MARCHF4: variants seen among roughly 807,000 people sequenced by gnomAD.
MARCHF4 encodes the protein E3 ubiquitin-protein ligase MARCHF4.
Under a neutral mutation model 43.9 loss-of-function variants are expected in MARCHF4, and 14 were observed. The observed-to-expected ratio is 0.32, with a 90% confidence interval of 0.21 to 0.50. The LOEUF (loss-of-function observed/expected upper bound fraction) is 0.50. Among genes scored for constraint, MARCHF4 ranks in the 20% least tolerant of loss-of-function variants. MARCHF4 has a pLI of 0.98. For missense variants in MARCHF4, 468 were observed against 536.7 expected (o/e 0.87, Z 1.27); for synonymous variants, 226 against 213.3 (o/e 1.06, Z -0.52).
chr2:216,338,563 G>T (rs1301794555), intron 1 of MARCHF4, among the ~76,000 whole-genome samples: 1 of 152,030 alleles, frequency 6.6e-6, no homozygotes, highest in African/African-American at 2.4e-5. Context: ...TCCTCCTTTT[G>T]TCCCTCCAGC....
intron 1 of MARCHF4, among the ~76,000 whole-genome samples, chr2:216,325,021 A>C (rs1316006086): frequency 6.6e-6 from 1 of 152,042 alleles, no homozygotes; most frequent in Non-Finnish European, 1.5e-5. Flanking sequence ...GAGGAAGTCA[A>C]ATTGTCCCTG....
At chr2:216,358,229 C>T (rs1325094364) in intron 1 of MARCHF4, among the ~76,000 whole-genome samples, 2 of 152,180 alleles carry the variant, frequency 1.3e-5, no homozygotes, top group African/African-American at 2.4e-5. Context: ...GGACACACAT[C>T]TACTGCACAG....
At chr2:216,350,513 CCACTGTGCCACACCACCA>C (rs556057221) in intron 1 of MARCHF4, among the ~76,000 whole-genome samples, 1,675 of 150,578 alleles carry the variant, frequency 0.011, 16 homozygotes, top group Middle Eastern at 0.018. Flanking sequence ...CACACCATCA[CCACTGTGCCACACCACCA>C]CACTGTGCCA....
At chr2:216,327,600 A>G (rs1464548787) in intron 1 of MARCHF4, among the ~76,000 whole-genome samples, 1 of 152,206 alleles carries the variant, frequency 6.6e-6, no homozygotes, top group Non-Finnish European at 1.5e-5. Context: ...AGCAACACTT[A>G]ACATTAGAAA....
chr2:216,262,084 A>AT (rs1287664468), intron 3 of MARCHF4, among the ~76,000 whole-genome samples: 5 of 152,092 alleles, frequency 3.3e-5, no homozygotes, highest in Admixed American at 6.6e-5. Context: ...GTACACATAT[A>AT]TTTTTTTTCC....
intron 1 of MARCHF4, among the ~76,000 whole-genome samples, chr2:216,296,274 A>C (rs2105947228): frequency 6.6e-6 from 1 of 152,366 alleles, no homozygotes; most frequent in East Asian, 1.9e-4. Flanking sequence ...TGCACCCGGG[A>C]GGCAGAGGTT....
Position 216,320,660 on chromosome 2 carries a change from TTTCTTTCTTTCTTTC to T in MARCHF4, c.517-36946_517-36932del, listed in dbSNP as rs774540342. Among the ~76,000 whole-genome samples the T allele has an allele frequency of 4.0e-3, 486 of 121,658 alleles. 5 individuals are homozygous for T. Among genetic ancestry groups the T allele is most frequent in the South Asian group, 0.022 (77 of 3,478 alleles). 79.8% of individuals were successfully genotyped at this position (121,658 alleles called of 152,430 possible). The stretch of plus-strand genomic sequence containing the variant: ...CTTTCTTTCTTTCTTTCTTTCTTTC[TTTCTTTCTTTCTTTC>T]TTTTTTTTTTTTTGAGATGGAGTCC... On this transcript the variant is annotated intron_variant, in intron 1 of 3. Coordinates refer to ENST00000273067, the MANE Select transcript of MARCHF4 (RefSeq NM_020814.3).
chr2:216,347,061 T>A (rs1256524768), intron 1 of MARCHF4, among the ~76,000 whole-genome samples: 1 of 152,218 alleles, frequency 6.6e-6, no homozygotes, highest in African/African-American at 2.4e-5. Context: ...CTTCACCTTC[T>A]GCCATGATTG....
chr2:216,279,230 G>A (rs76670370), intron 2 of MARCHF4, among the ~76,000 whole-genome samples: 1,783 of 152,318 alleles, frequency 0.012, 33 homozygotes, highest in African/African-American at 0.041. Flanking sequence ...GCAGAGGGAA[G>A]AGCATGTAGA....
intron 1 of MARCHF4, among the ~76,000 whole-genome samples, chr2:216,354,328 C>T (rs1022596113): frequency 6.6e-6 from 1 of 152,174 alleles, no homozygotes; most frequent in Non-Finnish European, 1.5e-5. Flanking sequence ...GCATACATTT[C>T]CACATGGAGA....
chr2:216,259,818 TC>T, intron 3 of MARCHF4, 139 bp from the exon 4 acceptor site: 2 of 843,308 alleles, frequency 2.4e-6, no homozygotes, highest in Non-Finnish European at 3.6e-6. Context: ...ATCCCTAGAT[TC>T]CCAGGCTCAG....
At chr2:216,338,703 C>T (rs1048278494) in intron 1 of MARCHF4, among the ~76,000 whole-genome samples, 1 of 152,150 alleles carries the variant, frequency 6.6e-6, no homozygotes. Context: ...CTAGCATGGC[C>T]TGTGTTCCTG....
chr2:216,368,659 A>G (rs956969195), intron 1 of MARCHF4, among the ~76,000 whole-genome samples: 4 of 152,198 alleles, frequency 2.6e-5, no homozygotes, highest in Non-Finnish European at 5.9e-5. Flanking sequence ...CCACTTCCTC[A>G]AGGAGTATCC....
intron 3 of MARCHF4, among the ~76,000 whole-genome samples, chr2:216,272,405 T>G (rs540920711): frequency 9.1e-4 from 139 of 152,350 alleles, no homozygotes; most frequent in Non-Finnish European, 4.6e-4. Context: ...ACTGAATTTC[T>G]GATTGTTACC....
intron 1 of MARCHF4, among the ~76,000 whole-genome samples, chr2:216,343,652 G>A (rs73988377): frequency 0.05 from 7,673 of 152,130 alleles, 668 homozygotes; most frequent in African/African-American, 0.17. Context: ...AGCTTTATAT[G>A]TGTATATATA....
At chr2:216,355,673 T>C (rs1274266363) in intron 1 of MARCHF4, among the ~76,000 whole-genome samples, 1 of 152,236 alleles carries the variant, frequency 6.6e-6, no homozygotes, top group Non-Finnish European at 1.5e-5. Context: ...GGCAAATGCG[T>C]AATGGATGTC....
At position 216,370,576 on chromosome 2, in the gene MARCHF4, G is replaced by T. The variant is rs1415014416; in HGVS notation, c.-316C>A. 1.4e-5 allele frequency: 4 copies of T among 276,640 alleles called. No individual in the cohort carries two copies. Among genetic ancestry groups the T allele is most frequent in the Non-Finnish European group, 2.0e-5 (3 of 148,894 alleles). The allele number at this position is 276,640 out of a possible 1,614,324, so 17.1% of individuals were successfully genotyped here. A position where few individuals can be genotyped will look rare whatever the true frequency, so the allele number is the denominator to read the frequency against. ...ACCTGAGGACACTGGTAGGAGCAGA[G>T]GGATTGAAGAAGCGTGGTGGAGGGG... On this transcript the variant is annotated 5_prime_UTR_variant, in exon 1 of 4. Transcript: ENST00000273067.
chr2:216,276,672 T>A (rs1253492259), intron 3 of MARCHF4, among the ~76,000 whole-genome samples: 1 of 152,224 alleles, frequency 6.6e-6, no homozygotes, highest in African/African-American at 2.4e-5. Context: ...GTGTAGCTTA[T>A]TTAATACAAT....
At chr2:216,289,030 TA>T (rs1036986928) in intron 1 of MARCHF4, among the ~76,000 whole-genome samples, 3 of 124,280 alleles carry the variant, frequency 2.4e-5, no homozygotes, top group Non-Finnish European at 4.9e-5. Flanking sequence ...TGAAAATATA[TA>T]AAAATTTATA....
Sources: allele counts gnomAD v4.1 joint callset (sites outside exome capture counted in the v4.1 genomes callset), GRCh38; gene constraint gnomAD v4.1.1; transcripts MANE v1.5; gene names NCBI Gene and HGNC (gene_info 2026-07-23, HGNC 2026-07-21).